Variants in KATNIP observed in about 807,000 individuals in gnomAD.
KATNIP encodes katanin interacting protein, also known as katanin-interacting protein.
In KATNIP, 126 loss-of-function variants were observed where a neutral mutation model predicts 174.0. That is an observed-to-expected ratio of 0.72 (90% CI 0.63 to 0.84). KATNIP has a LOEUF of 0.84. Among genes scored for constraint, KATNIP ranks in the 40% least tolerant of loss-of-function variants. The pLI is 0.00. For synonymous variants in KATNIP, 810 were observed against 835.7 expected (o/e 0.97, Z 0.53); for missense variants, 1,958 against 2,109.7 (o/e 0.93, Z 1.41).
chr16:27,748,334 A>G lies in KATNIP; in HGVS notation c.2624-1250A>G, dbSNP rs552774164. Among the ~76,000 whole-genome samples the G allele has an allele frequency of 2.6e-5, 4 of 152,344 alleles. No individual in the cohort carries two copies. In the East Asian group the frequency reaches 7.7e-4, roughly 29 times the overall value. On this transcript the variant is annotated intron_variant, in intron 15 of 27. Coordinates refer to ENST00000261588, the MANE Select transcript of KATNIP (RefSeq NM_015202.5). ...GGTGGCTTACGCCTGTAATCCCAGC[A>G]CTGGGATTCGCCCAGCTGAGGCAGG... is the stretch of plus-strand genomic sequence containing the variant.
At chr16:27,550,339 C>T (rs560663192) in intron 1 of KATNIP, among the ~76,000 whole-genome samples, 162 bp downstream of exon 1, 1 of 152,098 alleles carries the variant, frequency 6.6e-6, no homozygotes, top group African/African-American at 2.4e-5. Flanking sequence ...GTCTGGAACG[C>T]GGAGGAGAGC....
chr16:27,748,208 G>A (rs141540917), intron 15 of KATNIP, among the ~76,000 whole-genome samples: 7 of 152,316 alleles, frequency 4.6e-5, no homozygotes, highest in Non-Finnish European at 7.4e-5. Context: ...TGTTCTCCAC[G>A]CACCTGGGAC....
intron 13 of KATNIP, among the ~76,000 whole-genome samples, chr16:27,711,092 T>C (rs1280487118): frequency 6.6e-6 from 1 of 152,132 alleles, no homozygotes; most frequent in Admixed American, 6.5e-5. Context: ...AAAGTAAATG[T>C]GTTTCAAGTC....
At chr16:27,671,794 G>T (rs925583862) in intron 6 of KATNIP, among the ~76,000 whole-genome samples, 1 of 152,144 alleles carries the variant, frequency 6.6e-6, no homozygotes, top group Admixed American at 6.5e-5. Flanking sequence ...AGTGGCTCGC[G>T]CCTGTAATCC....
intron 2 of KATNIP, among the ~76,000 whole-genome samples, chr16:27,592,590 C>T (rs2075211418): frequency 6.6e-6 from 1 of 151,984 alleles, no homozygotes; most frequent in Non-Finnish European, 1.5e-5. Flanking sequence ...TGCACTCCAC[C>T]CAGGGCAATA....
At chr16:27,628,635 G>A in intron 3 of KATNIP, 26 bp from the exon 4 acceptor site, 1 of 1,611,898 alleles carries the variant, frequency 6.2e-7, no homozygotes, top group Admixed American at 1.7e-5. Flanking sequence ...ATGATGAGGA[G>A]GAACAACCCA....
intron 2 of KATNIP, among the ~76,000 whole-genome samples, chr16:27,587,921 C>CTTT (rs111346127): frequency 9.4e-6 from 1 of 106,732 alleles, no homozygotes. Context: ...CTTTTCTTTT[C>CTTT]TTTTTTTTTT....
intron 15 of KATNIP, among the ~76,000 whole-genome samples, chr16:27,742,715 C>T (rs546516992): frequency 3.3e-4 from 50 of 152,354 alleles, no homozygotes; most frequent in Admixed American, 3.3e-3. Flanking sequence ...AACACAGTGC[C>T]TGGCACACAG....
At chr16:27,691,008 C>A (rs2078712240) in intron 8 of KATNIP, among the ~76,000 whole-genome samples, 1 of 152,102 alleles carries the variant, frequency 6.6e-6, no homozygotes, top group Non-Finnish European at 1.5e-5. Flanking sequence ...CACAATACAT[C>A]TCTGTAGGCA....
At chr16:27,618,312 G>C (rs563883079) in intron 2 of KATNIP, 113 bp from the exon 3 acceptor site, 2 of 792,690 alleles carry the variant, frequency 2.5e-6, no homozygotes, top group African/African-American at 3.4e-5. Context: ...TTGGGCCTTC[G>C]TCAAGGTCAG....
chr16:27,764,974 A>G (rs2082072451), intron 19 of KATNIP, among the ~76,000 whole-genome samples: 1 of 152,200 alleles, frequency 6.6e-6, no homozygotes, highest in Admixed American at 6.5e-5. Context: ...CACTTCGATT[A>G]TGAGATTTTT....
chr16:27,745,329 T>G (rs1036020402), intron 15 of KATNIP, among the ~76,000 whole-genome samples: 2 of 152,250 alleles, frequency 1.3e-5, no homozygotes, highest in Admixed American at 1.3e-4. Context: ...CTACCTCTTC[T>G]TCTCTGTGGG....
At chr16:27,659,614 T>C (rs1198488865) in intron 6 of KATNIP, among the ~76,000 whole-genome samples, 1 of 152,234 alleles carries the variant, frequency 6.6e-6, no homozygotes, top group Admixed American at 6.5e-5. Context: ...GTACCCATCC[T>C]ATTTGGTTTT....
At position 27,779,350 on chromosome 16, in the gene KATNIP, A is replaced by T. The variant is rs1292861046; in HGVS notation, c.*721A>T. 6.6e-6 allele frequency: 1 copy of T among 152,430 alleles called. No homozygotes were observed. Among genetic ancestry groups the T allele is most frequent in the Non-Finnish European group, 1.5e-5 (1 of 68,218 alleles). 9.4% of individuals were successfully genotyped at this position (152,430 alleles called of 1,614,324 possible). ...TGGCAAGAGCTGGGCCCACTCTGGCAGGCCAGGGTATCATCTGCGTGCTGC... is the reference window on the plus strand; with the variant it reads ...TGGCAAGAGCTGGGCCCACTCTGGCTGGCCAGGGTATCATCTGCGTGCTGC... On this transcript the variant is annotated 3_prime_UTR_variant, in exon 28 of 28. Coordinates refer to ENST00000261588, the MANE Select transcript of KATNIP (RefSeq NM_015202.5).
chr16:27,770,829 A>G (rs2082272799), intron 21 of KATNIP, among the ~76,000 whole-genome samples: 1 of 152,164 alleles, frequency 6.6e-6, no homozygotes, highest in African/African-American at 2.4e-5. Context: ...TGGCTGGTGG[A>G]GCCAGGTGCT....
intron 4 of KATNIP, among the ~76,000 whole-genome samples, chr16:27,629,968 A>G (rs1259442913): frequency 6.6e-6 from 1 of 152,212 alleles, no homozygotes; most frequent in Non-Finnish European, 1.5e-5. Context: ...AGCTATGACT[A>G]TGCCACTGTA....
chr16:27,680,412 A>G (rs2078288280), intron 7 of KATNIP, among the ~76,000 whole-genome samples: 1 of 152,216 alleles, frequency 6.6e-6, no homozygotes, highest in Admixed American at 6.5e-5. Flanking sequence ...CCTGACAGTC[A>G]TTCCTGGGTG....
chr16:27,719,550 T>G (rs532430467), intron 13 of KATNIP, among the ~76,000 whole-genome samples: 2 of 152,094 alleles, frequency 1.3e-5, no homozygotes, highest in African/African-American at 4.8e-5. Flanking sequence ...TTTGTATTTT[T>G]TTTTTCTTTT....
At chr16:27,774,897 G>A in intron 23 of KATNIP, 48 bp from the exon 24 acceptor site, 1 of 1,611,286 alleles carries the variant, frequency 6.2e-7, no homozygotes, top group Admixed American at 1.7e-5. Context: ...GTGGCTGGCA[G>A]CCCCGAGCAC....
Sources: allele counts gnomAD v4.1 joint callset (sites outside exome capture counted in the v4.1 genomes callset), GRCh38; gene constraint gnomAD v4.1.1; transcripts MANE v1.5; gene names NCBI Gene and HGNC (gene_info 2026-07-23, HGNC 2026-07-21).